The following DISC1 variants were observed in gnomAD, a reference collection of about 807,000 sequenced individuals.
The protein encoded by DISC1 is disrupted in schizophrenia 1 protein.
In DISC1, 57 loss-of-function variants were observed where a neutral mutation model predicts 84.5. That is an observed-to-expected ratio of 0.67 (90% CI 0.55 to 0.84). DISC1 has a LOEUF of 0.84. Ranked by LOEUF, DISC1 falls within the 40% of genes least tolerant of loss-of-function variation. The pLI is 0.00. For missense variants in DISC1, 1,000 were observed against 1,057.8 expected, an observed-to-expected ratio of 0.95 and a Z score of 0.76; for synonymous variants, 411 against 415.2, an observed-to-expected ratio of 0.99 and a Z score of 0.12.
chr1:231,972,475 G>A (rs1662125931), intron 10 of DISC1, among the ~76,000 whole-genome samples: 1 of 152,176 alleles, frequency 6.6e-6, no homozygotes, highest in African/African-American at 2.4e-5. Context: ...TGTTTCCCAG[G>A]TGGTGAGTGT....
At chr1:231,821,128 A>T (rs1012999929) in intron 9 of DISC1, among the ~76,000 whole-genome samples, 7 of 152,226 alleles carry the variant, frequency 4.6e-5, no homozygotes, top group African/African-American at 1.7e-4. Flanking sequence ...CTTTTAAAAT[A>T]GTAAATATAC....
chr1:231,969,594 CTTTCTT>C (rs1361453984), intron 10 of DISC1, among the ~76,000 whole-genome samples: 17 of 78,914 alleles, frequency 2.2e-4, no homozygotes, highest in African/African-American at 7.8e-4. Context: ...TTCTTTCTTT[CTTTCTT>C]TTTTTTTTTT....
chr1:231,846,246 T>C lies in DISC1; in HGVS notation c.1981+27729T>C, dbSNP rs187770711. Among the ~76,000 whole-genome samples the C allele has an allele frequency of 1.7e-3, 254 of 152,214 alleles. 2 individuals are homozygous for C. Among genetic ancestry groups the C allele is most frequent in the African/African-American group, 5.7e-3 (235 of 41,520 alleles). ...GGAGGAGGCAGCTTTCAGAAGGAGC[T>C]GGGCATGCAGAGCTTGCTAACCAGT... is the stretch of plus-strand genomic sequence containing the variant. On this transcript the variant is annotated intron_variant, in intron 9 of 12. Coordinates refer to ENST00000439617, the MANE Select transcript of DISC1 (RefSeq NM_018662.3).
chr1:232,009,687 C>CGGA lies in DISC1; in HGVS notation c.2307+638_2307+639insGGA. ...TTTCTCTCCCCTCTTTCCTCTCTCC[C>CGGA]TTCCCCTTCCACTCCTCACTTTCCT... On this transcript the variant is annotated intron_variant, in intron 11 of 12. Coordinates refer to ENST00000439617, the MANE Select transcript of DISC1 (RefSeq NM_018662.3). The surrounding 1 kb of genome is among the most constrained non-coding windows in gnomAD (Gnocchi z 4.6). 1.3e-6 allele frequency: 1 copy of CGGA among 756,756 alleles called. No individual in the cohort carries two copies. The highest frequency in any genetic ancestry group is 1.6e-6 in the Non-Finnish European group (1 of 621,662). The allele number at this position is 756,756 out of a possible 1,614,324, so 46.9% of individuals were successfully genotyped here.
intron 3 of DISC1, among the ~76,000 whole-genome samples, chr1:231,748,864 A>G (rs1316103799): frequency 3.9e-5 from 6 of 152,146 alleles, no homozygotes; most frequent in Non-Finnish European, 8.8e-5. Flanking sequence ...GGGAGTGCAT[A>G]CCTTATGCTT....
intron 10 of DISC1, among the ~76,000 whole-genome samples, chr1:231,976,220 C>T (rs918003716): frequency 6.6e-6 from 1 of 152,110 alleles, no homozygotes; most frequent in African/African-American, 2.4e-5. Flanking sequence ...GACTCCAGGG[C>T]CTAACATTAA....
chr1:231,995,448 T>C (rs1398865709), intron 10 of DISC1, among the ~76,000 whole-genome samples: 1 of 152,012 alleles, frequency 6.6e-6, no homozygotes, highest in East Asian at 1.9e-4. Flanking sequence ...CATTAACTCG[T>C]CATTTAGCAT....
chr1:231,697,374 C>T (rs549402645), intron 2 of DISC1, among the ~76,000 whole-genome samples: 82 of 152,220 alleles, frequency 5.4e-4, no homozygotes, highest in African/African-American at 1.5e-3. Flanking sequence ...TGTGTGAATT[C>T]GTCTACTTGC....
At position 231,975,625 on chromosome 1, in the gene DISC1, A is replaced by C. The variant is rs190520089; in HGVS notation, c.2042+16737A>C. 2.0e-5 allele frequency among the ~76,000 whole-genome samples: 3 copies of C among 152,354 alleles called. No individual in the cohort carries two copies. In the East Asian group the frequency reaches 5.8e-4, roughly 29 times the overall value. Reference sequence around the variant, plus strand: ...CACAATGAAATACATAAAATGCATAAAATACAAATGCATAAAAAGAATGAA... The same window carrying C: ...CACAATGAAATACATAAAATGCATACAATACAAATGCATAAAAAGAATGAA... On this transcript the variant is annotated intron_variant, in intron 10 of 12. Transcript: ENST00000439617.
intron 9 of DISC1, among the ~76,000 whole-genome samples, chr1:231,921,811 T>TC (rs1466152889): frequency 6.7e-6 from 1 of 149,742 alleles, no homozygotes; most frequent in African/African-American, 2.5e-5. Flanking sequence ...TAGTTACCTT[T>TC]TTTTTTTTTT....
chr1:231,901,220 A>G (rs537255493), intron 9 of DISC1, among the ~76,000 whole-genome samples: 11 of 152,326 alleles, frequency 7.2e-5, no homozygotes, highest in African/African-American at 2.4e-4. Flanking sequence ...AACGGCTATC[A>G]GAGAAACGTC....
In DISC1 at chr1:231,954,741, C is replaced by T. The variant is rs201498741; in HGVS notation, c.1982-4087C>T. ...AGAGGAAAAGGTGAGCTCTATTCTC[C>T]GTCAGCGTGTCTGTGGCTGTATTGA... On this transcript the variant is annotated intron_variant, in intron 9 of 12. Transcript: ENST00000439617. The surrounding 1 kb of genome is among the most constrained non-coding windows in gnomAD (Gnocchi z 4.8). Among the ~76,000 whole-genome samples the T allele has an allele frequency of 3.0e-4, 45 of 152,146 alleles. No homozygotes were observed. The highest frequency in any genetic ancestry group is 4.7e-4 in the Non-Finnish European group (32 of 68,028).
chr1:231,655,293 G>A (rs1323266274), intron 1 of DISC1, among the ~76,000 whole-genome samples: 1 of 152,006 alleles, frequency 6.6e-6, no homozygotes, highest in Admixed American at 6.6e-5. Context: ...ATATCACTTT[G>A]TGTGCCTTTG....
At chr1:231,966,541 A>G (rs1332814331) in intron 10 of DISC1, among the ~76,000 whole-genome samples, 3 of 152,228 alleles carry the variant, frequency 2.0e-5, no homozygotes, top group East Asian at 3.8e-4. Flanking sequence ...CCTGATGGCA[A>G]ACTCATGTCT....
chr1:231,805,324 TG>T (rs1427208017), intron 8 of DISC1, among the ~76,000 whole-genome samples: 1 of 152,162 alleles, frequency 6.6e-6, no homozygotes, highest in Non-Finnish European at 1.5e-5. Context: ...TACCTGAGGC[TG>T]GGTAATTTAT....
rs2102998743 is a variant in DISC1 at position 232,009,224 on chromosome 1, A to G, written c.2307+175A>G. 1.1e-5 allele frequency: 16 copies of G among 1,418,436 alleles called. No individual in the cohort carries two copies. The highest frequency in any genetic ancestry group is 1.5e-5 in the Non-Finnish European group (16 of 1,089,678). The allele number at this position is 1,418,436 out of a possible 1,614,324, so 87.9% of individuals were successfully genotyped here. ...CAAAATAAAGTAGAATTTTTGTAGA[A>G]GTTTGAAATATAGAAGAGCAAAAAA... On this transcript the variant is annotated intron_variant, in intron 11 of 12. Coordinates refer to ENST00000439617, the MANE Select transcript of DISC1 (RefSeq NM_018662.3). The surrounding 1 kb of genome is among the most constrained non-coding windows in gnomAD (Gnocchi z 4.6).
Position 231,836,654 on chromosome 1 carries a change from A to G in DISC1, c.1981+18137A>G, listed in dbSNP as rs376168902. Among the ~76,000 whole-genome samples the G allele has an allele frequency of 4.6e-5, 7 of 152,044 alleles. No homozygotes were observed. In the East Asian group the frequency reaches 1.4e-3, roughly 29 times the overall value. On this transcript the variant is annotated intron_variant, in intron 9 of 12. Transcript: ENST00000439617. The stretch of plus-strand genomic sequence containing the variant: ...CTTCCCACGGCTTTTGGCTGCTCCC[A>G]TTGGCTTTCACATTCTCCTCTCCAC...
At chr1:231,806,860 T>C (rs2079769607) in intron 8 of DISC1, among the ~76,000 whole-genome samples, 1 of 152,232 alleles carries the variant, frequency 6.6e-6, no homozygotes, top group African/African-American at 2.4e-5. Flanking sequence ...CAGTGCCCTC[T>C]AGGGCCGAGA....
rs930736901 is a variant in DISC1 at position 231,649,439 on chromosome 1, T to A, written c.67+22505T>A. On this transcript the variant is annotated intron_variant, in intron 1 of 12. Coordinates refer to ENST00000439617, the MANE Select transcript of DISC1 (RefSeq NM_018662.3). ...CTGAGAGACAGTTTGTTATGATTTC[T>A]GTTCTTTTACATTTTCTGAGGAGTG... Among the ~76,000 whole-genome samples the A allele has an allele frequency of 4.6e-5, 7 of 152,336 alleles. No homozygotes were observed. In the South Asian group the frequency reaches 1.4e-3, roughly 32 times the overall value.
Sources: gnomAD v4.1 joint callset for allele counts (sites outside exome capture counted in the v4.1 genomes callset) on GRCh38, gnomAD v4.1.1 for gene constraint, Gnocchi (gnomAD v3.1) non-coding constraint, MANE v1.5 for transcripts, NCBI Gene and HGNC (gene_info 2026-07-23, HGNC 2026-07-21) for gene names.